The following ADAM17 variants were observed in gnomAD, a reference collection of about 807,000 sequenced individuals.
The protein encoded by ADAM17 is ADAM metallopeptidase domain 17, also known as disintegrin and metalloproteinase domain-containing protein 17.
Under a neutral mutation model 96.7 loss-of-function variants are expected in ADAM17, and 39 were observed. The ratio of observed to expected loss-of-function variants is 0.40; its 90% CI spans 0.31 to 0.53. The LOEUF (loss-of-function observed/expected upper bound fraction) is 0.53, where lower values mean the gene tolerates loss of function less well. ADAM17 is among the 20% of genes least tolerant of loss of function. The pLI is 0.44. For synonymous variants in ADAM17, 344 were observed against 359.2 expected (o/e 0.96, Z 0.48); for missense variants, 777 against 1,013.2 (o/e 0.77, Z 3.17).
intron 6 of ADAM17, among the ~76,000 whole-genome samples, chr2:9,524,802 A>C (rs1026106198): frequency 2.0e-5 from 3 of 152,340 alleles, no homozygotes; most frequent in Admixed American, 6.5e-5. Context: ...CTGGAGAAGG[A>C]AGGCAGTATA....
chr2:9,529,361 G>T (rs1336373475), intron 4 of ADAM17, among the ~76,000 whole-genome samples: 2 of 152,162 alleles, frequency 1.3e-5, no homozygotes, highest in African/African-American at 4.8e-5. Context: ...TGAGGCAAGA[G>T]AATCAGTTGA....
At chr2:9,536,974 G>A (rs1475546844) in intron 2 of ADAM17, 146 bp from the exon 3 acceptor site, 1 of 899,484 alleles carries the variant, frequency 1.1e-6, no homozygotes, top group Non-Finnish European at 1.6e-6. Context: ...TAGGTACTTA[G>A]AGCAATATAT....
intron 8 of ADAM17, among the ~76,000 whole-genome samples, chr2:9,520,110 A>G (rs1008198866): frequency 2.0e-5 from 3 of 152,190 alleles, no homozygotes; most frequent in Non-Finnish European, 4.4e-5. Flanking sequence ...GCCTCATGAG[A>G]CCCTAAACAA....
At chr2:9,491,026 G>T in intron 18 of ADAM17, 75 bp downstream of exon 18, 1 of 1,335,894 alleles carries the variant, frequency 7.5e-7, no homozygotes, top group Non-Finnish European at 1.1e-6. Context: ...GCTCTTGCTG[G>T]GTCAGGTGAA....
intron 14 of ADAM17, among the ~76,000 whole-genome samples, chr2:9,496,907 C>T (rs1324681886): frequency 6.6e-6 from 1 of 152,168 alleles, no homozygotes; most frequent in Non-Finnish European, 1.5e-5. Context: ...CAAGAAGAAA[C>T]ACCAACAGGA....
At chr2:9,520,753 C>T (rs1473982025) in intron 8 of ADAM17, among the ~76,000 whole-genome samples, 3 of 151,826 alleles carry the variant, frequency 2.0e-5, no homozygotes, top group African/African-American at 4.8e-5. Context: ...CATCTGAGGT[C>T]GGGAGTTCAA....
intron 1 of ADAM17, among the ~76,000 whole-genome samples, chr2:9,550,094 C>T (rs1665537625): frequency 6.6e-6 from 1 of 152,120 alleles, no homozygotes; most frequent in Non-Finnish European, 1.5e-5. Flanking sequence ...CCCCCCAAAA[C>T]ACACAGGACA....
At chr2:9,523,530 G>C (rs1664395532) in intron 6 of ADAM17, among the ~76,000 whole-genome samples, 192 bp from the exon 7 acceptor site, 1 of 152,206 alleles carries the variant, frequency 6.6e-6, no homozygotes. Context: ...AACTTAAAGT[G>C]CTGTTACCAG....
chr2:9,538,004 A>AGGGGGGGGAGGAGAG (rs1665053214), intron 2 of ADAM17, among the ~76,000 whole-genome samples: 1 of 2,224 alleles, frequency 4.5e-4, no homozygotes, highest in Non-Finnish European at 1.0e-3. Flanking sequence ...GGGGAGGGGA[A>AGGGGGGGGAGGAGAG]GGGAGGGGAG....
intron 13 of ADAM17, among the ~76,000 whole-genome samples, chr2:9,499,436 C>G (rs994249785): frequency 2.0e-5 from 3 of 151,790 alleles, no homozygotes; most frequent in Non-Finnish European, 2.9e-5. Flanking sequence ...GAGTCTTGCT[C>G]TGTTGCCCAG....
chr2:9,513,083 C>T (rs982882297), intron 10 of ADAM17, among the ~76,000 whole-genome samples: 12 of 152,094 alleles, frequency 7.9e-5, no homozygotes, highest in African/African-American at 2.7e-4. Context: ...CAATCTCTGC[C>T]TCCCAGGTTC....
At chr2:9,517,554 G>C (rs768282006) in intron 10 of ADAM17, among the ~76,000 whole-genome samples, 2 of 152,164 alleles carry the variant, frequency 1.3e-5, no homozygotes, top group Non-Finnish European at 2.9e-5. Context: ...GGAGACCATG[G>C]GGTTCTGAAA....
At chr2:9,503,095 G>A (rs1160238523) in intron 12 of ADAM17, among the ~76,000 whole-genome samples, 5 of 146,302 alleles carry the variant, frequency 3.4e-5, no homozygotes, top group Non-Finnish European at 7.5e-5. Context: ...AGCCAAGATC[G>A]CGCCACTGCA....
rs70948826 is a variant in ADAM17, at chr2:9,514,518, A to AATATATATATAT, written c.1191+3371_1191+3382dup. ...TCCTAGAACTTAAATTTAAAATATAAATATATATATATATATATATATATA... is the reference window on the plus strand; with the variant it reads ...TCCTAGAACTTAAATTTAAAATATAAATATATATATATATATATATATATATATATATATATA... On this transcript the variant is annotated intron_variant, in intron 10 of 18. Transcript: ENST00000310823. 1.2e-3 allele frequency among the ~76,000 whole-genome samples: 107 copies of AATATATATATAT among 89,798 alleles called. 1 individual carries two copies. The highest frequency in any genetic ancestry group is 3.2e-3 in the East Asian group (6 of 1,882). 58.9% of individuals were successfully genotyped at this position (89,798 alleles called of 152,430 possible).
intron 4 of ADAM17, among the ~76,000 whole-genome samples, chr2:9,535,223 C>A (rs1664911263): frequency 6.6e-6 from 1 of 152,236 alleles, no homozygotes; most frequent in Admixed American, 6.5e-5. Context: ...GATATCACCA[C>A]CACCACCCAG....
intron 13 of ADAM17, among the ~76,000 whole-genome samples, chr2:9,498,872 TAGAC>T (rs1271916775): frequency 2.0e-5 from 3 of 152,172 alleles, no homozygotes; most frequent in African/African-American, 4.8e-5. Context: ...GTCAGAGTAT[TAGAC>T]AGGTAGGAAA....
At position 9,497,157 on chromosome 2, in the gene ADAM17, A is replaced by C; in HGVS notation, c.1740T>G (p.Pro580=). Residue 580 remains proline, a synonymous_variant, in exon 14 of 19, where the codon CCT becomes CCG. Transcript: ENST00000310823. ...CCAGCTGCTGTTCCCTCTCGCAGAA[A>C]GGGATGCATTTCCCATCCTTACACT... The part of the protein sequence containing the change: ...LGKCKDGKCI[P]FCEREQQLES... The C allele has an allele frequency of 1.9e-6, 3 of 1,614,216 alleles. No homozygotes were observed. Among genetic ancestry groups the C allele is most frequent in the Non-Finnish European group, 2.5e-6 (3 of 1,180,040 alleles).
chr2:9,501,077 G>C (rs1662972384), intron 13 of ADAM17, among the ~76,000 whole-genome samples: 2 of 151,818 alleles, frequency 1.3e-5, no homozygotes, highest in African/African-American at 4.8e-5. Flanking sequence ...TGCCCAAATG[G>C]ATGATTACAT....
intron 1 of ADAM17, among the ~76,000 whole-genome samples, chr2:9,549,519 G>A (rs538302019): frequency 1.8e-4 from 28 of 152,280 alleles, no homozygotes; most frequent in Non-Finnish European, 3.2e-4. Flanking sequence ...TTCTGGAAAC[G>A]TGTGGGTTTT....
Sources: gnomAD v4.1 joint callset for allele counts (sites outside exome capture counted in the v4.1 genomes callset) on GRCh38, gnomAD v4.1.1 for gene constraint, MANE v1.5 for transcripts, NCBI Gene and HGNC (gene_info 2026-07-23, HGNC 2026-07-21) for gene names.